The following PAQR3 variants were observed in gnomAD, a reference collection of about 807,000 sequenced individuals.
The protein encoded by PAQR3 is progestin and adipoQ receptor family member 3, also known as Raf kinase trapping to Golgi.
PAQR3 carries 39 observed loss-of-function variants against 41.7 expected under a neutral mutation model. The observed-to-expected ratio is 0.93, with a 90% CI of 0.72 to 1.22. PAQR3 has a LOEUF of 1.22. Ranked by LOEUF, PAQR3 falls within the 50% of genes most tolerant of loss-of-function variation. PAQR3 has a pLI of 0.00. For synonymous variants in PAQR3, 140 were observed against 140.6 expected, an observed-to-expected ratio of 1.00 and a Z score of 0.03; for missense variants, 366 against 385.6, an observed-to-expected ratio of 0.95 and a Z score of 0.42.
At chr4:78,898,341 G>C (rs1196468106) in intron 11 of PAQR3, among the ~76,000 whole-genome samples, 1 of 151,870 alleles carries the variant, frequency 6.6e-6, no homozygotes, top group Non-Finnish European at 1.5e-5. Context: ...GTCCACTGCT[G>C]GGCCATTTTA....
downstream of PAQR3, chr4:78,910,819 G>C: frequency 5.6e-6 from 9 of 1,613,932 alleles, no homozygotes; most frequent in Non-Finnish European, 7.6e-6. Context: ...TGAAGAGGAA[G>C]AGCAAGATGA....
At position 78,919,307 on chromosome 4, in the gene PAQR3, A is replaced by G. The variant is rs1343341487; in HGVS notation, c.*1232T>C. ...TGGGTAATATTTTATACTCCAATAA[A>G]CAATGTAAGTTTTTATGAATGTCTA... On this transcript the variant is annotated 3_prime_UTR_variant, in exon 6 of 6. Transcript: ENST00000512733. The G allele has an allele frequency of 1.0e-6, 1 of 984,070 alleles. No individual in the cohort carries two copies. The allele number at this position is 984,070 out of a possible 1,614,324, so 61.0% of individuals were successfully genotyped here.
chr4:78,908,095 T>G (rs887096021), downstream of PAQR3, among the ~76,000 whole-genome samples: 3 of 152,200 alleles, frequency 2.0e-5, no homozygotes, highest in African/African-American at 7.2e-5. Flanking sequence ...GAATCTGCAT[T>G]TGATTTGCTT....
chr4:78,922,172 T>A, intron 5 of PAQR3: 6 of 1,029,938 alleles, frequency 5.8e-6, no homozygotes, highest in Non-Finnish European at 7.0e-6. Context: ...TGGCCCTGCC[T>A]GGAAGATGGG....
intron 1 of PAQR3, among the ~76,000 whole-genome samples, chr4:78,938,086 G>A (rs1737622086): frequency 6.6e-6 from 1 of 152,176 alleles, no homozygotes; most frequent in Admixed American, 6.5e-5. Flanking sequence ...AGGAAAGAAG[G>A]GCAGGAAAAG....
At chr4:78,905,242 G>C (rs1734228845) in intron 11 of PAQR3, among the ~76,000 whole-genome samples, 1 of 151,814 alleles carries the variant, frequency 6.6e-6, no homozygotes, top group South Asian at 2.1e-4. Context: ...TGCATAATTA[G>C]TAAACTTGCT....
Position 78,918,181 on chromosome 4 carries a change from A to C in PAQR3, c.*2358T>G. 1.1e-6 allele frequency: 1 copy of C among 943,492 alleles called. No homozygotes were observed. The highest frequency in any genetic ancestry group is 1.3e-6 in the Non-Finnish European group (1 of 791,570). 58.4% of individuals were successfully genotyped at this position (943,492 alleles called of 1,614,324 possible). A position where few individuals can be genotyped will look rare whatever the true frequency, so the allele number is the denominator to read the frequency against. On this transcript the variant is annotated 3_prime_UTR_variant, in exon 6 of 6. Transcript: ENST00000512733. ...TAGGCAAAAAGCTTTTATAGTTCAC[A>C]CATTGGTAAAATTAAAACCAGTCTT...
intron 3 of PAQR3, 100 bp from the exon 4 acceptor site, chr4:78,926,818 C>T (rs1366230785): frequency 8.0e-6 from 8 of 1,002,634 alleles, no homozygotes; most frequent in Non-Finnish European, 1.2e-5. Context: ...AGTCTATTTA[C>T]TTGGTATTTG....
chr4:78,935,433 A>C, intron 1 of PAQR3, 150 bp from the exon 2 acceptor site: 1 of 571,090 alleles, frequency 1.8e-6, no homozygotes, highest in East Asian at 3.2e-5. Context: ...TATATTATCT[A>C]ATTAAATTAT....
chr4:78,898,675 AT>A (rs1169153400), intron 11 of PAQR3, among the ~76,000 whole-genome samples: 18 of 151,208 alleles, frequency 1.2e-4, no homozygotes, highest in Admixed American at 9.2e-4. Context: ...AAAAAAGACC[AT>A]TGCTCCTCAA....
intron 1 of PAQR3, among the ~76,000 whole-genome samples, chr4:78,936,099 G>A (rs933503185): frequency 6.6e-6 from 1 of 152,092 alleles, no homozygotes; most frequent in Admixed American, 6.6e-5. Context: ...AACCTCTCCC[G>A]GCTTCAGTTT....
At chr4:78,929,287 G>A (rs1736572685) in intron 3 of PAQR3, among the ~76,000 whole-genome samples, 1 of 152,194 alleles carries the variant, frequency 6.6e-6, no homozygotes, top group Admixed American at 6.5e-5. Flanking sequence ...TTCTGAAAGG[G>A]AGGTAACTAA....
chr4:78,938,600 G>A (rs1737682044), intron 1 of PAQR3, among the ~76,000 whole-genome samples: 1 of 152,122 alleles, frequency 6.6e-6, no homozygotes, highest in Non-Finnish European at 1.5e-5. Context: ...TTTGCCAAAT[G>A]AATAAATCTC....
Position 78,914,153 on chromosome 4 carries a change from T to C in PAQR3, c.*6386A>G, listed in dbSNP as rs988334428. On this transcript the variant is annotated 3_prime_UTR_variant, in exon 6 of 6. Transcript: ENST00000512733. ...CTTGGTCTCTGCTAGACCTCATGAG[T>C]TTCATCATTTAGAAAAGGGGTAGAG... 2 of 152,030 alleles carry C rather than the reference T, an allele frequency of 1.3e-5. No homozygotes were observed. The highest frequency in any genetic ancestry group is 2.9e-5 in the Non-Finnish European group (2 of 67,936). The allele number at this position is 152,030 out of a possible 1,614,324, so 9.4% of individuals were successfully genotyped here. A position where few individuals can be genotyped will look rare whatever the true frequency, so the allele number is the denominator to read the frequency against.
At position 78,933,388 on chromosome 4, in the gene PAQR3, CTATT is replaced by C. The variant is rs532852910; in HGVS notation, c.348+1729_348+1732del. ...TACATTCTATTGTTCAGAATGTACTCTATTTATCTGGTTGCGAGGAAAGCACTAA... is the reference window on the plus strand; with the variant it reads ...TACATTCTATTGTTCAGAATGTACTCTATCTGGTTGCGAGGAAAGCACTAA... On this transcript the variant is annotated intron_variant, in intron 2 of 5. Transcript: ENST00000512733. 2.6e-3 allele frequency among the ~76,000 whole-genome samples: 398 copies of C among 152,200 alleles called. 1 individual carries two copies. Among genetic ancestry groups the C allele is most frequent in the Non-Finnish European group, 4.5e-3 (305 of 68,008 alleles).
rs115660542 is a variant in PAQR3 at position 78,912,425 on chromosome 4, C to A, written c.*8114G>T. 4.1e-3 allele frequency: 679 copies of A among 166,096 alleles called. 2 individuals are homozygous for A. The highest frequency in any genetic ancestry group is 0.015 in the African/African-American group (640 of 41,860). The allele number at this position is 166,096 out of a possible 1,614,324, so 10.3% of individuals were successfully genotyped here. ...CATATCCCTAAAATTAGGGTTATTT[C>A]TACATACACTAGTTACACTTGTGAA... On this transcript the variant is annotated 3_prime_UTR_variant, in exon 6 of 6. Coordinates refer to ENST00000512733, the MANE Select transcript of PAQR3 (RefSeq NM_001040202.2).
intron 5 of PAQR3, chr4:78,923,587 G>A: frequency 2.3e-6 from 1 of 441,480 alleles, no homozygotes; most frequent in Non-Finnish European, 4.0e-6. Context: ...GTGCTTGGGA[G>A]TCAGAAGACT....
Position 78,939,373 on chromosome 4 carries a change from C to G in PAQR3, c.-149G>C. ...GCTGCCGCTGCTGCCCAGGGCCCGG[C>G]TCTGCGCTCACACCGGCCACTGCCG... On this transcript the variant is annotated 5_prime_UTR_variant, in exon 1 of 6. Coordinates refer to ENST00000512733, the MANE Select transcript of PAQR3 (RefSeq NM_001040202.2). 1 of 574,616 alleles carries G rather than the reference C, an allele frequency of 1.7e-6. No individual in the cohort carries two copies. The highest frequency in any genetic ancestry group is 2.5e-6 in the Non-Finnish European group (1 of 399,434). The allele number at this position is 574,616 out of a possible 1,614,324, so 35.6% of individuals were successfully genotyped here.
At chr4:78,925,926 A>G (rs1736169581) in intron 4 of PAQR3, among the ~76,000 whole-genome samples, 1 of 152,160 alleles carries the variant, frequency 6.6e-6, no homozygotes, top group African/African-American at 2.4e-5. Flanking sequence ...TCTAACAAAT[A>G]GCTCTTCTTT....
Sources: allele counts gnomAD v4.1 joint callset (sites outside exome capture counted in the v4.1 genomes callset), GRCh38; gene constraint gnomAD v4.1.1; transcripts MANE v1.5; gene names NCBI Gene and HGNC (gene_info 2026-07-23, HGNC 2026-07-21).